Variants in HTT observed in about 807,000 individuals in gnomAD.
The protein encoded by HTT is huntington disease protein.
In HTT, 104 loss-of-function variants were observed where a neutral mutation model predicts 362.3. The ratio of observed to expected loss-of-function variants is 0.29; its 90% CI spans 0.24 to 0.34. HTT has a LOEUF of 0.34. HTT is among the 10% of genes least tolerant of loss of function. The probability of loss-of-function intolerance (pLI) is 1.00; values close to 1 mark genes in which losing one functional copy is unlikely to be tolerated. For missense variants in HTT, 3,301 were observed against 3,928.6 expected (o/e 0.84, Z 4.27); for synonymous variants, 1,577 against 1,548.7 (o/e 1.02, Z -0.43).
At chr4:3,234,755 G>A (rs1721439175) in intron 61 of HTT, among the ~76,000 whole-genome samples, 1 of 152,204 alleles carries the variant, frequency 6.6e-6, no homozygotes, top group Admixed American at 6.5e-5. Context: ...CGCATCACTG[G>A]GCACGTTTTT....
intron 39 of HTT, 192 bp from the exon 40 acceptor site, chr4:3,188,759 T>C (rs6844859): frequency 0.43 from 236,775 of 549,258 alleles, 53,032 homozygotes; most frequent in African/African-American, 0.58. Flanking sequence ...TCATCCTCAG[T>C]GAGGAAGGTG....
At chr4:3,157,286 A>C in intron 28 of HTT, 87 bp downstream of exon 28, 1 of 1,268,070 alleles carries the variant, frequency 7.9e-7, no homozygotes, top group Non-Finnish European at 1.1e-6. Context: ...GATTTGTAGG[A>C]TGTATAAGCC....
chr4:3,141,997 G>A (rs763096708), intron 22 of HTT, among the ~76,000 whole-genome samples: 109 of 152,306 alleles, frequency 7.2e-4, no homozygotes, highest in Middle Eastern at 3.4e-3. Context: ...TTCAGAAGAT[G>A]AATATTTATT....
chr4:3,235,950 G>A (rs1353964703), intron 63 of HTT, among the ~76,000 whole-genome samples, 172 bp downstream of exon 63: 2 of 152,240 alleles, frequency 1.3e-5, no homozygotes, highest in African/African-American at 2.4e-5. Flanking sequence ...CAGGGCTGGA[G>A]TACCTGGTCA....
chr4:3,130,431 A>T lies in HTT; in HGVS notation c.1986+8A>T, dbSNP rs1044416439. Reference sequence around the variant, plus strand: ...GGTGATCAAGAAAACAAGGTGAGGGACATAGGCTTGAGACGACTTGGTGTT... The same window carrying T: ...GGTGATCAAGAAAACAAGGTGAGGGTCATAGGCTTGAGACGACTTGGTGTT... On this transcript the variant is annotated splice_region_variant and intron_variant, in intron 14 of 66. Transcript: ENST00000355072. 2 of 1,493,708 alleles carry T rather than the reference A, an allele frequency of 1.3e-6. No individual in the cohort carries two copies. The highest frequency in any genetic ancestry group is 1.2e-5 in the South Asian group (1 of 84,432). 92.5% of individuals were successfully genotyped at this position (1,493,708 alleles called of 1,614,324 possible).
chr4:3,234,871 G>A (rs968789246), intron 61 of HTT, among the ~76,000 whole-genome samples: 1 of 152,190 alleles, frequency 6.6e-6, no homozygotes, highest in African/African-American at 2.4e-5. Context: ...CGGCGCTGTC[G>A]GGGGATCACA....
At chr4:3,195,269 G>T (rs1321831708) in intron 40 of HTT, among the ~76,000 whole-genome samples, 1 of 152,198 alleles carries the variant, frequency 6.6e-6, no homozygotes, top group African/African-American at 2.4e-5. Flanking sequence ...CATCCTGCCT[G>T]TTTTGAAAAC....
At chr4:3,142,948 C>T in intron 23 of HTT, 62 bp downstream of exon 23, 2 of 1,366,692 alleles carry the variant, frequency 1.5e-6, no homozygotes, top group Admixed American at 3.5e-5. Flanking sequence ...CTTGTATGGC[C>T]AGTTAGTTGT....
At chr4:3,078,836 G>A (rs1578479279) in intron 1 of HTT, among the ~76,000 whole-genome samples, 2 of 151,732 alleles carry the variant, frequency 1.3e-5, no homozygotes, top group Non-Finnish European at 2.9e-5. Flanking sequence ...CCGAGTTCAC[G>A]CCATTCTCCT....
intron 1 of HTT, among the ~76,000 whole-genome samples, chr4:3,085,918 T>G (rs931283984): frequency 6.6e-6 from 1 of 152,172 alleles, no homozygotes; most frequent in African/African-American, 2.4e-5. Context: ...GTTTATCTCC[T>G]TTTGCTTGGC....
intron 29 of HTT, among the ~76,000 whole-genome samples, chr4:3,168,295 G>C (rs568621680): frequency 6.6e-6 from 1 of 152,330 alleles, no homozygotes; most frequent in Non-Finnish European, 1.5e-5. Context: ...ACATGCATAG[G>C]CCTCTGCATG....
intron 2 of HTT, among the ~76,000 whole-genome samples, chr4:3,093,369 G>A (rs540829219): frequency 2.7e-4 from 41 of 152,122 alleles, no homozygotes; most frequent in Non-Finnish European, 4.9e-4. Flanking sequence ...ATTAAAAAGA[G>A]ATTAATTAAA....
Position 3,214,034 on chromosome 4 carries a change from T to C in HTT, c.6851T>C (p.Leu2284Pro). 1 of 1,609,552 alleles carries C rather than the reference T, an allele frequency of 6.2e-7. No homozygotes were observed. Among genetic ancestry groups the C allele is most frequent in the Non-Finnish European group, 8.5e-7 (1 of 1,177,708 alleles). ...CAGGCAGGGCTGGACTGCTGCTGCCTGGCCCTGCAGCTGCCTGGCCTCTGG... is the reference window on the plus strand; with the variant it reads ...CAGGCAGGGCTGGACTGCTGCTGCCCGGCCCTGCAGCTGCCTGGCCTCTGG... Reference protein sequence around the residue: ...DLQAGLDCCCLALQLPGLWSV... With the variant: ...DLQAGLDCCCPALQLPGLWSV... The change falls in exon 50 of 67, where the codon CTG (leucine) becomes CCG (proline). Residue 2284 changes from leucine (L) to proline (P), a missense_variant. This residue lies in a region of HTT where 220 missense variants were observed against 218.5 expected (regional missense o/e 1.01). Coordinates refer to ENST00000355072, the MANE Select transcript of HTT (RefSeq NM_001388492.1).
intron 57 of HTT, among the ~76,000 whole-genome samples, chr4:3,226,215 A>C (rs1007222453): frequency 6.6e-6 from 1 of 151,858 alleles, no homozygotes; most frequent in African/African-American, 2.4e-5. Flanking sequence ...CCCTGTGGCC[A>C]GTTCTGGGTG....
At chr4:3,238,135 G>T (rs531498324) in intron 64 of HTT, among the ~76,000 whole-genome samples, 2 of 152,198 alleles carry the variant, frequency 1.3e-5, no homozygotes, top group Non-Finnish European at 2.9e-5. Context: ...CAGGCTTTAC[G>T]TAGCTTTCAA....
intron 1 of HTT, among the ~76,000 whole-genome samples, chr4:3,081,810 G>A (rs1712926008): frequency 6.6e-6 from 1 of 151,802 alleles, no homozygotes; most frequent in Admixed American, 6.6e-5. Context: ...ACCCGCCTCA[G>A]CCTCCCAAAG....
At chr4:3,112,209 C>G (rs1342884506) in intron 6 of HTT, among the ~76,000 whole-genome samples, 1 of 152,146 alleles carries the variant, frequency 6.6e-6, no homozygotes, top group Admixed American at 6.5e-5. Context: ...AATCTCCCAC[C>G]CTCTGGTTTA....
chr4:3,134,261 G>A, intron 18 of HTT, 140 bp from the exon 19 acceptor site: 1 of 631,570 alleles, frequency 1.6e-6, no homozygotes, highest in Non-Finnish European at 2.8e-6. Flanking sequence ...TTCTTGAGAG[G>A]TGTGGGAAAA....
intron 55 of HTT, 140 bp from the exon 56 acceptor site, chr4:3,223,852 C>A: frequency 2.4e-6 from 2 of 830,210 alleles, no homozygotes; most frequent in Admixed American, 2.3e-5. Context: ...GGCTCACGGA[C>A]AGGTGCTCAC....
Sources: allele counts gnomAD v4.1 joint callset (sites outside exome capture counted in the v4.1 genomes callset), GRCh38; gene constraint gnomAD v4.1.1; regional missense constraint gnomAD v4.1.1; transcripts MANE v1.5; gene names NCBI Gene and HGNC (gene_info 2026-07-23, HGNC 2026-07-21).